The following DPP6 variants were observed in gnomAD, a reference collection of about 807,000 sequenced individuals.
DPP6 encodes the protein A-type potassium channel modulatory protein DPP6.
Under a neutral mutation model 122.6 loss-of-function variants are expected in DPP6, and 69 were observed. The ratio of observed to expected loss-of-function variants is 0.56; its 90% CI spans 0.46 to 0.69. The LOEUF is 0.69. DPP6 is among the 30% of genes least tolerant of loss of function. The probability of loss-of-function intolerance (pLI) is 0.00; values close to 1 mark genes in which losing one functional copy is unlikely to be tolerated. For synonymous variants in DPP6, 418 were observed against 433.1 expected, an observed-to-expected ratio of 0.97 and a Z score of 0.43; for missense variants, 928 against 1,116.9, an observed-to-expected ratio of 0.83 and a Z score of 2.41.
chr7:153,769,809 C>G, the DPP6 span, among the ~76,000 whole-genome samples: 1 of 152,118 alleles, frequency 6.6e-6, no homozygotes, highest in Non-Finnish European at 1.5e-5. Flanking sequence ...AGATAAAAGA[C>G]TACAGGCTGA....
chr7:154,135,848 C>A (rs1795526242), intron 1 of DPP6, among the ~76,000 whole-genome samples: 2 of 146,546 alleles, frequency 1.4e-5, no homozygotes. Context: ...GTACCACTTT[C>A]TCTCTGTGCA....
At chr7:154,547,624 G>A (rs560728993) in intron 4 of DPP6, among the ~76,000 whole-genome samples, 123 of 152,286 alleles carry the variant, frequency 8.1e-4, no homozygotes, top group South Asian at 5.0e-3. Flanking sequence ...CTGCAAGAAC[G>A]TTGCACATTG....
At chr7:154,059,903 G>T (rs1229628105) in intron 1 of DPP6, among the ~76,000 whole-genome samples, 2 of 151,872 alleles carry the variant, frequency 1.3e-5, no homozygotes, top group African/African-American at 4.8e-5. Flanking sequence ...GCTAGTACAA[G>T]AAGCAAATAA....
chr7:154,066,580 A>G (rs1802744785), intron 1 of DPP6, among the ~76,000 whole-genome samples: 1 of 152,156 alleles, frequency 6.6e-6, no homozygotes, highest in African/African-American at 2.4e-5. Flanking sequence ...GTGCATGGGA[A>G]GGGGCTCCTG....
intron 1 of DPP6, among the ~76,000 whole-genome samples, chr7:154,124,241 C>G (rs1443145102): frequency 6.6e-6 from 1 of 152,206 alleles, no homozygotes; most frequent in Non-Finnish European, 1.5e-5. Flanking sequence ...CAGTGATGAG[C>G]TGGGAGAAAA....
chr7:154,792,876 A>G (rs1055766564), intron 10 of DPP6, among the ~76,000 whole-genome samples: 4 of 152,196 alleles, frequency 2.6e-5, no homozygotes, highest in African/African-American at 4.8e-5. Flanking sequence ...CCTCCTGGCC[A>G]TGCGCCAGCA....
intron 11 of DPP6, 105 bp downstream of exon 11, chr7:154,794,307 G>C: frequency 2.2e-6 from 3 of 1,383,190 alleles, no homozygotes; most frequent in Non-Finnish European, 1.9e-6. Flanking sequence ...TGGGACTTGG[G>C]GACCGGCCGC....
chr7:154,157,655 T>C lies in DPP6; in HGVS notation c.243+104592T>C, dbSNP rs557309727. 4.2e-3 allele frequency among the ~76,000 whole-genome samples: 636 copies of C among 152,292 alleles called. 6 individuals are homozygous for C. The highest frequency in any genetic ancestry group is 0.015 in the African/African-American group (613 of 41,550). ...CTTAAATATTTGTACTTATTTGGGC[T>C]GGGTACGGTGGCTCATGCCTGTAAT... On this transcript the variant is annotated intron_variant, in intron 1 of 25. Transcript: ENST00000377770.
At chr7:154,803,980 C>T (rs759789817) in intron 14 of DPP6, 25 bp downstream of exon 14, 1 of 1,610,200 alleles carries the variant, frequency 6.2e-7, no homozygotes, top group African/African-American at 1.3e-5. Context: ...GGGGCCTGCC[C>T]CATCTTACTG....
At chr7:154,831,610 A>T (rs572547051) in intron 16 of DPP6, among the ~76,000 whole-genome samples, 15 of 148,652 alleles carry the variant, frequency 1.0e-4, no homozygotes, top group South Asian at 2.1e-4. Flanking sequence ...ATTTCTTTTT[A>T]AAAAAAATCT....
At chr7:154,235,780 C>A (rs1056962730) in intron 1 of DPP6, among the ~76,000 whole-genome samples, 1 of 152,160 alleles carries the variant, frequency 6.6e-6, no homozygotes, top group African/African-American at 2.4e-5. Flanking sequence ...TCAAAATTTG[C>A]CATGCCATTT....
At chr7:154,816,867 A>G (rs1302287073) in intron 16 of DPP6, among the ~76,000 whole-genome samples, 3 of 152,210 alleles carry the variant, frequency 2.0e-5, no homozygotes, top group Non-Finnish European at 1.5e-5. Flanking sequence ...CAGAGCCACA[A>G]AACATTAAAT....
At chr7:154,008,897 C>T (rs1798038746) in intron 1 of DPP6, among the ~76,000 whole-genome samples, 1 of 149,948 alleles carries the variant, frequency 6.7e-6, no homozygotes, top group African/African-American at 2.4e-5. Flanking sequence ...GATCTCCTGA[C>T]CTCGTGATCC....
intron 20 of DPP6, among the ~76,000 whole-genome samples, chr7:154,879,421 A>AT (rs1805165301): frequency 7.5e-6 from 1 of 134,214 alleles, no homozygotes; most frequent in Non-Finnish European, 1.5e-5. Context: ...TCTACTAAAA[A>AT]AAAAAAAAAA....
intron 1 of DPP6, among the ~76,000 whole-genome samples, chr7:154,008,014 A>G (rs937882264): frequency 2.0e-5 from 3 of 152,194 alleles, no homozygotes; most frequent in Non-Finnish European, 4.4e-5. Flanking sequence ...TGTTCAGAAG[A>G]AAAGGACCCT....
chr7:153,898,520 G>A (rs2128997167), intron 1 of DPP6, among the ~76,000 whole-genome samples: 1 of 152,290 alleles, frequency 6.6e-6, no homozygotes, highest in African/African-American at 2.4e-5. Context: ...ATCACTGTTT[G>A]AGGTGATGAA....
intron 6 of DPP6, among the ~76,000 whole-genome samples, chr7:154,645,834 C>T (rs1282056252): frequency 3.3e-5 from 5 of 151,898 alleles, no homozygotes; most frequent in African/African-American, 1.2e-4. Flanking sequence ...CAAGACCAGC[C>T]TGGCTAACAC....
Position 154,249,712 on chromosome 7 carries a change from C to G in DPP6, c.244-196502C>G, listed in dbSNP as rs1334927166. ...TGAGAATGTGTACAATGCCACGGAG[C>G]CTGTCCCCAGATGCATTTCCATGTG... On this transcript the variant is annotated intron_variant, in intron 1 of 25. Transcript: ENST00000377770. 2.6e-5 allele frequency among the ~76,000 whole-genome samples: 4 copies of G among 152,192 alleles called. No homozygotes were observed. In the East Asian group the frequency reaches 5.8e-4, roughly 22 times the overall value.
At chr7:154,332,029 CA>C (rs891931921) in intron 1 of DPP6, among the ~76,000 whole-genome samples, 1 of 151,384 alleles carries the variant, frequency 6.6e-6, no homozygotes, top group African/African-American at 2.4e-5. Flanking sequence ...ATACAGGACT[CA>C]AAAATGTGTT....
Sources: gnomAD v4.1 joint callset for allele counts (sites outside exome capture counted in the v4.1 genomes callset) on GRCh38, gnomAD v4.1.1 for gene constraint, MANE v1.5 for transcripts, NCBI Gene and HGNC (gene_info 2026-07-23, HGNC 2026-07-21) for gene names.